Variants in RSPH3 observed in about 807,000 individuals in gnomAD.
RSPH3 encodes radial spoke head 3.
RSPH3 carries 21 observed loss-of-function variants against 43.8 expected under a neutral mutation model. The observed-to-expected ratio is 0.48, with a 90% confidence interval of 0.34 to 0.69. The LOEUF (loss-of-function observed/expected upper bound fraction) is 0.69. Among genes scored for constraint, RSPH3 ranks in the 30% least tolerant of loss-of-function variants. The pLI, the probability that RSPH3 is intolerant of heterozygous loss-of-function variation, is 0.01. For missense variants in RSPH3, 487 were observed against 516.0 expected (o/e 0.94, Z 0.54); for synonymous variants, 173 against 179.8 (o/e 0.96, Z 0.30).
At chr6:158,998,468 C>CAA (rs567802659) in intron 1 of RSPH3, among the ~76,000 whole-genome samples, 34 of 79,514 alleles carry the variant, frequency 4.3e-4, no homozygotes, top group Non-Finnish European at 7.2e-4. Flanking sequence ...GACTCCGTCT[C>CAA]AAAAAAAAAA....
rs747323201 is a variant in RSPH3 at position 158,999,964 on chromosome 6, G to C, written c.-414C>G. The C allele has an allele frequency of 3.8e-6, 6 of 1,596,738 alleles. No homozygotes were observed. Among genetic ancestry groups the C allele is most frequent in the Admixed American group, 3.4e-5 (2 of 58,644 alleles). On this transcript the variant is annotated 5_prime_UTR_variant, in exon 1 of 8. Coordinates refer to ENST00000367069, the MANE Select transcript of RSPH3 (RefSeq NM_031924.8). ...CTGGCTAGGGAGGCGGCCTTGGCTG[G>C]CTTGACCGTCATCCTTGAGGCCTGC...
At chr6:158,964,308 G>A in the RSPH3 span, among the ~76,000 whole-genome samples, 6 of 152,106 alleles carry the variant, frequency 3.9e-5, no homozygotes, top group African/African-American at 1.4e-4. Context: ...GATAGTTTTT[G>A]TGGACTGAAT....
At chr6:158,970,108 C>A (rs1036838523), downstream of RSPH3, among the ~76,000 whole-genome samples, 1 of 151,372 alleles carries the variant, frequency 6.6e-6, no homozygotes, top group Non-Finnish European at 1.5e-5. Flanking sequence ...AAATTAAACA[C>A]TTTAAATAAT....
chr6:158,995,919 C>T (rs1199430608), intron 1 of RSPH3, among the ~76,000 whole-genome samples: 1 of 152,082 alleles, frequency 6.6e-6, no homozygotes, highest in African/African-American at 2.4e-5. Flanking sequence ...ACTTTTAAGG[C>T]CCCACTGTGA....
chr6:158,969,163 T>A (rs75171087), downstream of RSPH3, among the ~76,000 whole-genome samples: 2,709 of 152,312 alleles, frequency 0.018, 34 homozygotes, highest in Middle Eastern at 0.024. Context: ...CATTTCAGTA[T>A]GAAGGACTCC....
Position 158,983,729 on chromosome 6 carries a change from G to C in RSPH3, c.425C>G (p.Pro142Arg). The C allele has an allele frequency of 6.2e-7, 1 of 1,611,810 alleles. No individual in the cohort carries two copies. Among genetic ancestry groups the C allele is most frequent in the Non-Finnish European group, 8.5e-7 (1 of 1,177,948 alleles). Reference protein sequence around the residue: ...ECQTDAFLDRPPTPLFIPAKT... With the variant: ...ECQTDAFLDRRPTPLFIPAKT... ...GGCAGGAATAAAGAGTGGTGTTGGTGGTCTGTCCAAAAATGCATCTGTTTG... is the reference window on the plus strand; with the variant it reads ...GGCAGGAATAAAGAGTGGTGTTGGTCGTCTGTCCAAAAATGCATCTGTTTG... The change falls in exon 4 of 8, where the codon CCA becomes CGA. Residue 142 changes from proline (P) to arginine (R), a missense_variant. Physicochemically the swap from Pro to Arg is moderately radical, Grantham distance 103. Coordinates refer to ENST00000367069, the MANE Select transcript of RSPH3 (RefSeq NM_031924.8).
Position 158,999,895 on chromosome 6 carries a change from C to G in RSPH3, c.-345G>C, listed in dbSNP as rs1778804658. 1.9e-6 allele frequency: 3 copies of G among 1,613,300 alleles called. No homozygotes were observed. The highest frequency in any genetic ancestry group is 8.5e-7 in the Non-Finnish European group (1 of 1,179,852). ...GGGACTTCCGGCTCTTGACTCCGCC[C>G]AGCCGCGCCACCCAGGTAGGTGCGC... On this transcript the variant is annotated 5_prime_UTR_variant, in exon 1 of 8. Coordinates refer to ENST00000367069, the MANE Select transcript of RSPH3 (RefSeq NM_031924.8).
chr6:158,969,330 A>G (rs1235786479), downstream of RSPH3, among the ~76,000 whole-genome samples: 1 of 152,194 alleles, frequency 6.6e-6, no homozygotes, highest in Non-Finnish European at 1.5e-5. Context: ...TGAATATATG[A>G]TCCCATTGCC....
In RSPH3 at chr6:158,982,542, A is replaced by T; in HGVS notation, c.639T>A (p.Ser213Arg). The change falls in exon 5 of 8, where the codon AGT becomes AGA. Residue 213 changes from serine to arginine, a missense_variant. Ser to Arg is a moderately radical substitution (Grantham distance 110). Coordinates refer to ENST00000367069, the MANE Select transcript of RSPH3 (RefSeq NM_031924.8). The stretch of plus-strand genomic sequence containing the variant: ...CAAGTCGTTGAACTTCAGCACGTTC[A>T]CTATTCCGTAGTTCTTCATACTCAC... Reference protein sequence around the residue: ...SQREYEELRNSERAEVQRLEE... With the variant: ...SQREYEELRNRERAEVQRLEE... 1 of 1,613,536 alleles carries T rather than the reference A, an allele frequency of 6.2e-7. No individual in the cohort carries two copies.
At position 158,976,779 on chromosome 6, in the gene RSPH3, G is replaced by A. The variant is rs968041280; in HGVS notation, c.*759C>T. 6.6e-6 allele frequency: 1 copy of A among 152,284 alleles called. No individual in the cohort carries two copies. The highest frequency in any genetic ancestry group is 2.4e-5 in the African/African-American group (1 of 41,438). The allele number at this position is 152,284 out of a possible 1,614,324, so 9.4% of individuals were successfully genotyped here. On this transcript the variant is annotated 3_prime_UTR_variant, in exon 8 of 8. Transcript: ENST00000367069. ...GGTCCTTGCAGGAAGGGAGCACTGTGGCTTTCAGTAGCACAACGTTTAGGC... is the reference window on the plus strand; with the variant it reads ...GGTCCTTGCAGGAAGGGAGCACTGTAGCTTTCAGTAGCACAACGTTTAGGC...
At chr6:158,972,669 T>A (rs191515030), downstream of RSPH3, among the ~76,000 whole-genome samples, 12 of 152,324 alleles carry the variant, frequency 7.9e-5, no homozygotes, top group East Asian at 2.3e-3. Flanking sequence ...AATATAGTGA[T>A]AAAAATTCAT....
At chr6:158,971,929 A>G (rs1055008759), downstream of RSPH3, among the ~76,000 whole-genome samples, 1 of 152,116 alleles carries the variant, frequency 6.6e-6, no homozygotes, top group African/African-American at 2.4e-5. Flanking sequence ...AATAGTAACC[A>G]GGATGGTGAG....
At chr6:158,985,268 A>G (rs1456156231) in intron 3 of RSPH3, among the ~76,000 whole-genome samples, 1 of 152,252 alleles carries the variant, frequency 6.6e-6, no homozygotes, top group Non-Finnish European at 1.5e-5. Flanking sequence ...TGAGAGGCAG[A>G]CGACTCAGAT....
intron 2 of RSPH3, among the ~76,000 whole-genome samples, chr6:158,987,949 T>A (rs78065836): frequency 0.012 from 1,823 of 152,352 alleles, 43 homozygotes; most frequent in African/African-American, 0.042. Flanking sequence ...TGTACTTAAT[T>A]TAACCAGTAA....
At chr6:158,992,368 C>A (rs193055207) in intron 2 of RSPH3, among the ~76,000 whole-genome samples, 8 of 151,966 alleles carry the variant, frequency 5.3e-5, no homozygotes, top group Non-Finnish European at 8.8e-5. Flanking sequence ...CAGCCTTGTC[C>A]TCCTGGGCTC....
At chr6:158,990,316 C>G (rs762835138) in intron 2 of RSPH3, 2 of 152,264 alleles carry the variant, frequency 1.3e-5, no homozygotes, top group African/African-American at 4.8e-5. Flanking sequence ...CCTACCATCT[C>G]CTTGAAGCTT....
chr6:158,967,952 ATTTG>A (rs1292533327), downstream of RSPH3, among the ~76,000 whole-genome samples: 2 of 152,066 alleles, frequency 1.3e-5, no homozygotes, highest in African/African-American at 2.4e-5. Context: ...TTTTCAACCA[ATTTG>A]TGTCTTTGAA....
At chr6:158,972,004 GAA>G (rs1246463788), downstream of RSPH3, among the ~76,000 whole-genome samples, 1 of 151,524 alleles carries the variant, frequency 6.6e-6, no homozygotes, top group African/African-American at 2.4e-5. Context: ...CTCATTGGGA[GAA>G]AAAAAACTTG....
At chr6:158,998,468 CAAAAAA>C (rs567802659) in intron 1 of RSPH3, among the ~76,000 whole-genome samples, 9 of 79,520 alleles carry the variant, frequency 1.1e-4, no homozygotes, top group African/African-American at 4.4e-4. Flanking sequence ...GACTCCGTCT[CAAAAAA>C]AAAAAAAGAA....
Sources: allele counts gnomAD v4.1 joint callset (sites outside exome capture counted in the v4.1 genomes callset), GRCh38; gene constraint gnomAD v4.1.1; transcripts MANE v1.5; gene names NCBI Gene and HGNC (gene_info 2026-07-23, HGNC 2026-07-21).